The following BNIP2 variants were observed in gnomAD, a reference collection of about 807,000 sequenced individuals.
The protein encoded by BNIP2 is BCL2/adenovirus E1B 19 kDa protein-interacting protein 2.
BNIP2 carries 36 observed loss-of-function variants against 43.4 expected under a neutral mutation model. The observed-to-expected ratio is 0.83, with a 90% CI of 0.64 to 1.10. The LOEUF (loss-of-function observed/expected upper bound fraction) is 1.10, where lower values mean the gene tolerates loss of function less well. Ranked by LOEUF, BNIP2 falls within the 50% of genes least tolerant of loss-of-function variation. BNIP2 has a pLI of 0.00. For synonymous variants in BNIP2, 146 were observed against 121.0 expected (o/e 1.21, Z -1.35); for missense variants, 417 against 374.1 (o/e 1.11, Z -0.95).
chr15:59,677,215 T>C (rs1893360337), intron 5 of BNIP2: 2 of 1,594,662 alleles, frequency 1.3e-6, no homozygotes, highest in South Asian at 1.1e-5. Flanking sequence ...TCCCAAGTAG[T>C]ACCCGTCTTC....
At chr15:59,680,631 G>T (rs1439751019) in intron 2 of BNIP2, among the ~76,000 whole-genome samples, 3 of 152,016 alleles carry the variant, frequency 2.0e-5, no homozygotes, top group African/African-American at 7.3e-5. Flanking sequence ...GAACTTTTGG[G>T]CTCAAACGAT....
rs752346758 is a variant in BNIP2, at chr15:59,683,686, G to C, written c.-57-1172C>G. 2.2e-4 allele frequency among the ~76,000 whole-genome samples: 34 copies of C among 152,140 alleles called. 1 individual carries two copies. The highest frequency in any genetic ancestry group is 1.3e-4 in the Admixed American group (2 of 15,272). The stretch of plus-strand genomic sequence containing the variant: ...ACAAAAACATTAGCCGGATGTGGTG[G>C]CAGGCGCCTGTAATCCCAGCTACTT... On this transcript the variant is annotated intron_variant, in intron 1 of 9. Transcript: ENST00000607373.
chr15:59,681,708 A>G (rs1359780803), intron 2 of BNIP2, among the ~76,000 whole-genome samples: 4 of 152,070 alleles, frequency 2.6e-5, no homozygotes, highest in Non-Finnish European at 5.9e-5. Flanking sequence ...CGGCCTCCCA[A>G]AGTGCTGGGG....
chr15:59,675,479 G>A (rs1375009300), intron 5 of BNIP2, among the ~76,000 whole-genome samples: 1 of 151,700 alleles, frequency 6.6e-6, no homozygotes, highest in Non-Finnish European at 1.5e-5. Context: ...GCATGGTGGC[G>A]TGCACCTGTA....
chr15:59,689,207 G>A lies in BNIP2; in HGVS notation c.-130C>T. On this transcript the variant is annotated 5_prime_UTR_variant, in exon 1 of 10. Coordinates refer to ENST00000607373, the MANE Select transcript of BNIP2 (RefSeq NM_004330.4). The stretch of plus-strand genomic sequence containing the variant: ...GCGACGTGGGGCTGACGGCCAGGTC[G>A]CAAAAAGCAGGGCCGAGCGGAGCCC... 2 of 1,540,204 alleles carry A rather than the reference G, an allele frequency of 1.3e-6. No homozygotes were observed.
chr15:59,677,943 A>G lies in BNIP2; in HGVS notation c.440T>C (p.Ile147Thr), dbSNP rs374260903. 5.6e-5 allele frequency: 90 copies of G among 1,612,904 alleles called. No individual in the cohort carries two copies. Among genetic ancestry groups the G allele is most frequent in the Non-Finnish European group, 7.2e-5 (85 of 1,179,618 alleles). The part of the protein sequence containing the change: ...EQDHRVDMKA[I>T]EPYKKVISHG... ...GCTGATAACTTTTTTATAGGGTTCA[A>G]TTGCCTTCATATCAACCCTGTGGTC... The change falls in exon 5 of 10, where the codon ATT (isoleucine) becomes ACT (threonine). Residue 147 changes from isoleucine to threonine, a missense_variant. Transcript: ENST00000607373.
chr15:59,682,512 G>A lies in BNIP2; in HGVS notation c.-55C>T, dbSNP rs199619410. On this transcript the variant is annotated splice_region_variant and 5_prime_UTR_variant, in exon 2 of 10. Coordinates refer to ENST00000607373, the MANE Select transcript of BNIP2 (RefSeq NM_004330.4). ...ACTCTTGATAATCCAGGGAGCCAAT[G>A]TCCTATGAAGAGAGAAAAATGTATA... is the stretch of plus-strand genomic sequence containing the variant. The A allele has an allele frequency of 5.6e-6, 9 of 1,597,212 alleles. No individual in the cohort carries two copies. Among genetic ancestry groups the A allele is most frequent in the African/African-American group, 4.1e-5 (3 of 73,948 alleles).
chr15:59,668,603 G>C (rs562408066), intron 9 of BNIP2, among the ~76,000 whole-genome samples: 3 of 152,298 alleles, frequency 2.0e-5, no homozygotes, highest in African/African-American at 7.2e-5. Flanking sequence ...TGATCAATTA[G>C]AGAAATCATC....
chr15:59,664,955 G>A (rs796421712), intron 9 of BNIP2, among the ~76,000 whole-genome samples: 59 of 152,280 alleles, frequency 3.9e-4, no homozygotes, highest in African/African-American at 1.4e-3. Flanking sequence ...TGTTTTGACA[G>A]TAAGAAGCCT....
chr15:59,682,613 G>C lies in BNIP2; in HGVS notation c.-57-99C>G, dbSNP rs978097368. ...TATATTAGTTCATACTTGATGTTTA[G>C]TACAATGGTCTGGTCATGAAATTCA... On this transcript the variant is annotated intron_variant, in intron 1 of 9. Coordinates refer to ENST00000607373, the MANE Select transcript of BNIP2 (RefSeq NM_004330.4). 62 of 889,116 alleles carry C rather than the reference G, an allele frequency of 7.0e-5. No individual in the cohort carries two copies. In the African/African-American group the frequency reaches 9.0e-4, roughly 13 times the overall value. The allele number at this position is 889,116 out of a possible 1,614,324, so 55.1% of individuals were successfully genotyped here. A position where few individuals can be genotyped will look rare whatever the true frequency, so the allele number is the denominator to read the frequency against.
At chr15:59,675,450 A>T (rs1893217993) in intron 5 of BNIP2, among the ~76,000 whole-genome samples, 1 of 150,978 alleles carries the variant, frequency 6.6e-6, no homozygotes, top group East Asian at 2.0e-4. Context: ...CTCTACTAAA[A>T]ATACAAAAAA....
chr15:59,682,637 C>A, intron 1 of BNIP2, 123 bp from the exon 2 acceptor site: 4 of 686,916 alleles, frequency 5.8e-6, no homozygotes, highest in East Asian at 3.2e-5. Context: ...TCATGAAATT[C>A]ATTTACAGGG....
intron 5 of BNIP2, 72 bp from the exon 6 acceptor site, chr15:59,672,811 G>T: frequency 9.6e-7 from 1 of 1,037,980 alleles, no homozygotes; most frequent in Non-Finnish European, 1.5e-6. Context: ...ACATCTGTAT[G>T]ATTAGTAAAT....
chr15:59,682,797 A>G (rs1893772446), intron 1 of BNIP2, among the ~76,000 whole-genome samples: 1 of 152,186 alleles, frequency 6.6e-6, no homozygotes, highest in African/African-American at 2.4e-5. Context: ...GATTGAAAAT[A>G]TATTTCATAC....
rs982587757 is a variant in BNIP2 at position 59,678,034 on chromosome 15, C to T, written c.349G>A (p.Glu117Lys). 2 of 1,613,800 alleles carry T rather than the reference C, an allele frequency of 1.2e-6. No homozygotes were observed. The highest frequency in any genetic ancestry group is 1.3e-5 in the African/African-American group (1 of 74,930). Residue 117 changes from glutamate (E) to lysine (K), a missense_variant, in exon 5 of 10, where the codon GAA (glutamate) becomes AAA (lysine). Coordinates refer to ENST00000607373, the MANE Select transcript of BNIP2 (RefSeq NM_004330.4). ...TEVIRKGSITEYTAAEEKEDG... is the reference protein window; with the variant it reads ...TEVIRKGSITKYTAAEEKEDG... ...TCTTTTTCCTCTGCTGCTGTGTATT[C>T]AGTAATTGAGCCTTTCCTAATTACT...
intron 5 of BNIP2, among the ~76,000 whole-genome samples, chr15:59,677,583 G>C (rs1284408518): frequency 6.6e-6 from 1 of 152,172 alleles, no homozygotes; most frequent in African/African-American, 2.4e-5. Flanking sequence ...TATGTCAAAA[G>C]TAATGTCAGC....
At chr15:59,683,895 C>A (rs1390340900) in intron 1 of BNIP2, among the ~76,000 whole-genome samples, 1 of 152,116 alleles carries the variant, frequency 6.6e-6, no homozygotes, top group African/African-American at 2.4e-5. Context: ...ATTTTTAAAA[C>A]AATACTATCT....
chr15:59,682,195 C>T (rs1251233106), intron 2 of BNIP2, among the ~76,000 whole-genome samples: 5 of 152,040 alleles, frequency 3.3e-5, no homozygotes, highest in Admixed American at 1.3e-4. Flanking sequence ...GGCGTGGTGG[C>T]GCACACCTAT....
At chr15:59,666,518 T>C (rs1231818456) in intron 9 of BNIP2, among the ~76,000 whole-genome samples, 2 of 152,002 alleles carry the variant, frequency 1.3e-5, no homozygotes, top group African/African-American at 4.8e-5. Context: ...AATGCAAAAA[T>C]TAGCCAGGCA....
Sources: gnomAD v4.1 joint callset for allele counts (sites outside exome capture counted in the v4.1 genomes callset) on GRCh38, gnomAD v4.1.1 for gene constraint, MANE v1.5 for transcripts, NCBI Gene and HGNC (gene_info 2026-07-23, HGNC 2026-07-21) for gene names.